Variants in TPTE observed in about 807,000 individuals in gnomAD.
TPTE encodes transmembrane phosphatase with tensin homology, also known as putative tyrosine-protein phosphatase TPTE.
Under a neutral mutation model 84.1 loss-of-function variants are expected in TPTE, and 59 were observed. The ratio of observed to expected loss-of-function variants is 0.70; its 90% CI spans 0.57 to 0.87. The LOEUF is 0.87. Among genes scored for constraint, TPTE ranks in the 40% least tolerant of loss-of-function variants. The probability of loss-of-function intolerance (pLI) is 0.00; values close to 1 mark genes in which losing one functional copy is unlikely to be tolerated. For missense variants in TPTE, 382 were observed against 659.6 expected (o/e 0.58, Z 4.61); for synonymous variants, 130 against 223.5 (o/e 0.58, Z 3.73).
intron 14 of TPTE, among the ~76,000 whole-genome samples, chr21:10,575,495 C>G (rs1227191266): frequency 6.6e-6 from 1 of 152,312 alleles, no homozygotes; most frequent in Admixed American, 6.5e-5. Context: ...GTGCAGCACA[C>G]CTGCTCTACC....
chr21:10,572,952 A>G (rs1389925918), intron 14 of TPTE, among the ~76,000 whole-genome samples: 1 of 152,310 alleles, frequency 6.6e-6, no homozygotes, highest in Non-Finnish European at 1.5e-5. Context: ...ACCAGAAAAA[A>G]ATGAACAAAA....
intron 19 of TPTE, among the ~76,000 whole-genome samples, chr21:10,593,691 A>C (rs2075528064): frequency 6.6e-6 from 1 of 152,312 alleles, no homozygotes; most frequent in Non-Finnish European, 1.5e-5. Context: ...CTTTGAACCA[A>C]GGACTGAAAT....
chr21:10,522,144 GT>G, intron 1 of TPTE, among the ~76,000 whole-genome samples: 4 of 152,342 alleles, frequency 2.6e-5, no homozygotes, highest in Admixed American at 2.6e-4. Flanking sequence ...TCGTTGTCTT[GT>G]CCCCCCCCAG....
chr21:10,591,884 G>A lies in TPTE; in HGVS notation c.1090-409G>A, dbSNP rs375522986. On this transcript the variant is annotated intron_variant, in intron 18 of 23. Transcript: ENST00000618007. ...CCTCTGCCCAAAGATCACTGCGGCCGGGCACGGGTGGCTCACGCCTGTAAT... is the reference window on the plus strand; with the variant it reads ...CCTCTGCCCAAAGATCACTGCGGCCAGGCACGGGTGGCTCACGCCTGTAAT... Among the ~76,000 whole-genome samples, 481 of 150,768 alleles carry A rather than the reference G, an allele frequency of 3.2e-3. No homozygotes were observed. In the East Asian group the frequency reaches 0.041, roughly 13 times the overall value.
intron 23 of TPTE, 38 bp downstream of exon 23, chr21:10,603,670 C>A: frequency 6.2e-7 from 1 of 1,600,150 alleles, no homozygotes; most frequent in Non-Finnish European, 8.6e-7. Context: ...ACAGCCTAAT[C>A]TTCAATGTCT....
At position 10,552,236 on chromosome 21, in the gene TPTE, A is replaced by G. The variant is rs1203777223; in HGVS notation, c.174-421A>G. On this transcript the variant is annotated intron_variant, in intron 7 of 23. Coordinates refer to ENST00000618007, the MANE Select transcript of TPTE (RefSeq NM_199261.4). ...CATGTAGGGTAAACATAACTTTTAT[A>G]TGCACAGGGAACCCAAAACATTTGT... 5.2e-5 allele frequency among the ~76,000 whole-genome samples: 8 copies of G among 152,426 alleles called. No homozygotes were observed. In the East Asian group the frequency reaches 1.2e-3, roughly 22 times the overall value.
At chr21:10,522,447 G>GGC (rs1313515364) in intron 1 of TPTE, among the ~76,000 whole-genome samples, 1 of 152,304 alleles carries the variant, frequency 6.6e-6, no homozygotes, top group Non-Finnish European at 1.5e-5. Context: ...CGGCCCTTGG[G>GGC]GCGCGGGCGG....
intron 19 of TPTE, among the ~76,000 whole-genome samples, chr21:10,595,642 C>T (rs1325480390): frequency 6.6e-6 from 1 of 152,308 alleles, no homozygotes; most frequent in Non-Finnish European, 1.5e-5. Flanking sequence ...CACAAGTCTT[C>T]CTCTAACTCA....
At position 10,542,428 on chromosome 21, in the gene TPTE, G is replaced by A. The variant is rs2074385849; in HGVS notation, c.99G>A (p.Glu33=). The stretch of plus-strand genomic sequence containing the variant: ...CAAGTGAATTTAAAGGAGCAACCGA[G>A]GAGGCACCTGCGAAAGAAAGGTGAG... The part of the protein sequence containing the change: ...PQTSEFKGAT[E]EAPAKESPHT... The change falls in exon 6 of 24, where the codon GAG becomes GAA. Residue 33 remains glutamate, a synonymous_variant. Transcript: ENST00000618007. 4 of 1,612,044 alleles carry A rather than the reference G, an allele frequency of 2.5e-6. No homozygotes were observed. The highest frequency in any genetic ancestry group is 3.4e-6 in the Non-Finnish European group (4 of 1,178,556).
intron 7 of TPTE, among the ~76,000 whole-genome samples, chr21:10,544,491 T>G (rs529830312): frequency 3.3e-5 from 5 of 152,428 alleles, no homozygotes; most frequent in African/African-American, 1.2e-4. Flanking sequence ...TTCAAGTGAT[T>G]TTCCTGCCTC....
At chr21:10,525,029 G>T (rs561257471) in intron 2 of TPTE, among the ~76,000 whole-genome samples, 1 of 152,422 alleles carries the variant, frequency 6.6e-6, no homozygotes, top group South Asian at 2.1e-4. Flanking sequence ...CTTTCCTACA[G>T]GGGCAGCTGG....
At chr21:10,545,887 T>C (rs1163143037) in intron 7 of TPTE, among the ~76,000 whole-genome samples, 1 of 151,888 alleles carries the variant, frequency 6.6e-6, no homozygotes, top group Admixed American at 6.6e-5. Context: ...AGTAGTCATG[T>C]ATATATCCTT....
chr21:10,598,914 G>T (rs1306777511), intron 21 of TPTE, among the ~76,000 whole-genome samples: 1 of 152,312 alleles, frequency 6.6e-6, no homozygotes, highest in Non-Finnish European at 1.5e-5. Flanking sequence ...ATTCACCCAG[G>T]CCTGACCCTT....
At chr21:10,601,822 C>T (rs2145806804) in intron 21 of TPTE, among the ~76,000 whole-genome samples, 1 of 152,430 alleles carries the variant, frequency 6.6e-6, no homozygotes, top group African/African-American at 2.4e-5. Context: ...CACTGCACTT[C>T]AGCCTGGGTG....
At chr21:10,557,242 G>A (rs182653993) in intron 8 of TPTE, among the ~76,000 whole-genome samples, 197 of 152,360 alleles carry the variant, frequency 1.3e-3, no homozygotes, top group African/African-American at 4.2e-3. Context: ...AGTGTGAACA[G>A]TACTTTTCCT....
intron 7 of TPTE, among the ~76,000 whole-genome samples, chr21:10,548,585 C>T (rs570181950): frequency 2.0e-5 from 3 of 152,422 alleles, no homozygotes; most frequent in Admixed American, 2.0e-4. Flanking sequence ...GGACTACCCC[C>T]AGCAGACACA....
intron 10 of TPTE, among the ~76,000 whole-genome samples, chr21:10,563,439 AACT>A (rs1357137540): frequency 1.3e-5 from 2 of 152,304 alleles, no homozygotes; most frequent in African/African-American, 4.8e-5. Flanking sequence ...GAAAAATATT[AACT>A]ACAACTTTTC....
chr21:10,595,043 G>GTT (rs2075555486), intron 19 of TPTE, among the ~76,000 whole-genome samples: 1 of 152,282 alleles, frequency 6.6e-6, no homozygotes, highest in South Asian at 2.1e-4. Context: ...GTTTTGTTTT[G>GTT]TTTTGTTTTT....
intron 10 of TPTE, among the ~76,000 whole-genome samples, chr21:10,565,412 G>A (rs1321386792): frequency 2.0e-5 from 3 of 152,302 alleles, no homozygotes; most frequent in Non-Finnish European, 4.4e-5. Flanking sequence ...AATCAATATT[G>A]TTAAAATGTC....
Sources: allele counts gnomAD v4.1 joint callset (sites outside exome capture counted in the v4.1 genomes callset), GRCh38; gene constraint gnomAD v4.1.1; transcripts MANE v1.5; gene names NCBI Gene and HGNC (gene_info 2026-07-23, HGNC 2026-07-21).